Variants in PILRB observed in about 807,000 individuals in gnomAD.
PILRB encodes paired immunoglobulin-like type 2 receptor beta.
Under a neutral mutation model 20.5 loss-of-function variants are expected in PILRB, and 21 were observed. The observed-to-expected ratio is 1.02, with a 90% CI of 0.72 to 1.47. The LOEUF (loss-of-function observed/expected upper bound fraction) is 1.47, where lower values mean the gene tolerates loss of function less well. Among genes scored for constraint, PILRB ranks in the 40% most tolerant of loss-of-function variants. The probability of loss-of-function intolerance (pLI) is 0.00; values close to 1 mark genes in which losing one functional copy is unlikely to be tolerated. For synonymous variants in PILRB, 133 were observed against 115.1 expected (o/e 1.16, Z -0.99); for missense variants, 253 against 272.1 (o/e 0.93, Z 0.49).
At chr7:100,365,155 A>G (rs1323194905) in intron 3 of PILRB, among the ~76,000 whole-genome samples, 1 of 152,070 alleles carries the variant, frequency 6.6e-6, no homozygotes, top group Non-Finnish European at 1.5e-5. Flanking sequence ...GTGTGCCACC[A>G]CACCCAGCTA....
intron 1 of PILRB, 136 bp downstream of exon 1, chr7:100,358,502 G>A: frequency 7.9e-7 from 1 of 1,271,048 alleles, no homozygotes; most frequent in Non-Finnish European, 1.1e-6. Context: ...ATAGGGGTGG[G>A]TGCCGCCATC....
chr7:100,360,352 T>C (rs2130100931), intron 3 of PILRB, among the ~76,000 whole-genome samples: 1 of 150,762 alleles, frequency 6.6e-6, no homozygotes, highest in East Asian at 1.9e-4. Flanking sequence ...AACTATGGTA[T>C]TGCTAAACAA....
chr7:100,363,034 C>G (rs1790575321), intron 3 of PILRB, among the ~76,000 whole-genome samples: 1 of 151,678 alleles, frequency 6.6e-6, no homozygotes, highest in East Asian at 1.9e-4. Flanking sequence ...TGGCTCACAC[C>G]TGTAATCCCA....
chr7:100,358,193 C>A lies in PILRB; in HGVS notation c.-110C>A. On this transcript the variant is annotated 5_prime_UTR_variant, in exon 1 of 4. Coordinates refer to ENST00000609309, the MANE Select transcript of PILRB (RefSeq NM_178238.4). ...GCCCCCACAGCCCTCTGGGGAGCCT[C>A]ACCCTGGCTCTCCCCACTCACCTCA... The A allele has an allele frequency of 7.6e-7, 1 of 1,323,804 alleles. No homozygotes were observed. Among genetic ancestry groups the A allele is most frequent in the Non-Finnish European group, 1.1e-6 (1 of 931,016 alleles). 82.0% of individuals were successfully genotyped at this position (1,323,804 alleles called of 1,614,324 possible).
At chr7:100,365,616 C>T (rs547069083) in intron 3 of PILRB, among the ~76,000 whole-genome samples, 70 of 152,166 alleles carry the variant, frequency 4.6e-4, no homozygotes, top group Admixed American at 8.5e-4. Flanking sequence ...GCCTGGAGTT[C>T]GAGCCCAGCC....
Position 100,359,350 on chromosome 7 carries a change from C to T in PILRB, c.468C>T (p.Thr156=), listed in dbSNP as rs747960636. The T allele has an allele frequency of 5.6e-6, 9 of 1,614,150 alleles. No individual in the cohort carries two copies. The highest frequency in any genetic ancestry group is 7.6e-6 in the Non-Finnish European group (9 of 1,180,026). The change falls in exon 3 of 4, where the codon ACC becomes ACT. Residue 156 remains threonine (T), a synonymous_variant. Coordinates refer to ENST00000609309, the MANE Select transcript of PILRB (RefSeq NM_178238.4). ...CATCTCTTCCAGCTGTCACAACCAC[C>T]ACCACCTGGAGGCCCAGCAGCACAA... ...KLTITQAVTT[T]TTWRPSSTTT... is the part of the protein sequence containing the mutation.
intron 2 of PILRB, 27 bp from the exon 3 acceptor site, chr7:100,359,310 G>A: frequency 6.2e-7 from 1 of 1,611,766 alleles, no homozygotes; most frequent in South Asian, 1.1e-5. Context: ...CCCAGAAGAG[G>A]GTCTGCTCAT....
In PILRB at chr7:100,358,965, A is replaced by G; in HGVS notation, c.340A>G (p.Asn114Asp). 1 of 1,614,082 alleles carries G rather than the reference A, an allele frequency of 6.2e-7. No homozygotes were observed. Among genetic ancestry groups the G allele is most frequent in the Non-Finnish European group, 8.5e-7 (1 of 1,180,020 alleles). The change falls in exon 2 of 4, where the codon AAC becomes GAC. Residue 114 changes from asparagine (N) to aspartate (D), a missense_variant. Transcript: ENST00000609309. ...GGAGAGCGGCTTCCTCAGGATCTCA[A>G]ACCTGCGGAAGGAGGACCAGTCTGT... ...GQESGFLRIS[N>D]LRKEDQSVYF...
chr7:100,358,982 C>A lies in PILRB; in HGVS notation c.357C>A (p.Asp119Glu), dbSNP rs1415219620. ...GGATCTCAAACCTGCGGAAGGAGGACCAGTCTGTGTATTTCTGCCGAGTCG... is the reference window on the plus strand; with the variant it reads ...GGATCTCAAACCTGCGGAAGGAGGAACAGTCTGTGTATTTCTGCCGAGTCG... The part of the protein sequence containing the change: ...FLRISNLRKE[D>E]QSVYFCRVEL... The change falls in exon 2 of 4, where the codon GAC becomes GAA. Residue 119 changes from aspartate (D) to glutamate (E), a missense_variant. Transcript: ENST00000609309. The A allele has an allele frequency of 6.2e-7, 1 of 1,614,080 alleles. No homozygotes were observed. Among genetic ancestry groups the A allele is most frequent in the Admixed American group, 1.7e-5 (1 of 59,996 alleles).
Position 100,359,017 on chromosome 7 carries a change from C to T in PILRB, c.392C>T (p.Thr131Ile). ...TATTTCTGCCGAGTCGAGCTGGACACCCGGAGATCAGGGAGGCAGCAGTTG... is the reference window on the plus strand; with the variant it reads ...TATTTCTGCCGAGTCGAGCTGGACATCCGGAGATCAGGGAGGCAGCAGTTG... ...SVYFCRVELD[T>I]RRSGRQQLQS... Residue 131 changes from threonine (T) to isoleucine (I), a missense_variant, in exon 2 of 4, where the codon ACC (threonine) becomes ATC (isoleucine). Physicochemically the swap from Thr to Ile is moderately conservative, Grantham distance 89. Coordinates refer to ENST00000609309, the MANE Select transcript of PILRB (RefSeq NM_178238.4). 1 of 1,614,138 alleles carries T rather than the reference C, an allele frequency of 6.2e-7. No individual in the cohort carries two copies. The highest frequency in any genetic ancestry group is 1.1e-5 in the South Asian group (1 of 91,082).
rs59251177 is a variant in PILRB, at chr7:100,358,408, C to G, written c.64+42C>G. On this transcript the variant is annotated intron_variant, in intron 1 of 3. Coordinates refer to ENST00000609309, the MANE Select transcript of PILRB (RefSeq NM_178238.4). ...GCCCAGGTATGGTCTCTGCCCAAACCACAGGAGGGGCCAACCCAAGACAAA... is the reference window on the plus strand; with the variant it reads ...GCCCAGGTATGGTCTCTGCCCAAACGACAGGAGGGGCCAACCCAAGACAAA... 7.5e-3 allele frequency: 11,988 copies of G among 1,602,254 alleles called. 824 individuals are homozygous for G. The African/African-American group carries it at 0.14, about 19-fold the overall frequency.
chr7:100,359,209 A>C, intron 2 of PILRB, 128 bp from the exon 3 acceptor site: 1 of 1,496,058 alleles, frequency 6.7e-7, no homozygotes, highest in South Asian at 1.2e-5. Context: ...TACCCCTTCC[A>C]TGTCTGGGCT....
At chr7:100,365,775 G>A (rs1790664306) in intron 3 of PILRB, among the ~76,000 whole-genome samples, 2 of 152,036 alleles carry the variant, frequency 1.3e-5, no homozygotes, top group South Asian at 2.1e-4. Context: ...CTGAGATCAC[G>A]TCACTGTATA....
intron 3 of PILRB, among the ~76,000 whole-genome samples, chr7:100,366,244 G>A (rs529941787): frequency 1.4e-4 from 21 of 152,242 alleles, no homozygotes; most frequent in Non-Finnish European, 2.6e-4. Flanking sequence ...GTGAGCCACC[G>A]CACCCACCTT....
At chr7:100,362,097 A>G (rs568059457) in intron 3 of PILRB, among the ~76,000 whole-genome samples, 1 of 152,160 alleles carries the variant, frequency 6.6e-6, no homozygotes, top group South Asian at 2.1e-4. Flanking sequence ...GGAAGCTTGG[A>G]GAATCTGCAA....
chr7:100,362,670 G>A (rs772593321), intron 3 of PILRB, among the ~76,000 whole-genome samples: 25 of 152,050 alleles, frequency 1.6e-4, no homozygotes, highest in Admixed American at 5.9e-4. Flanking sequence ...CACTATGCCC[G>A]GCTAATTTTT....
At chr7:100,363,132 T>TAAAAAAAA (rs771904107) in intron 3 of PILRB, among the ~76,000 whole-genome samples, 1 of 85,058 alleles carries the variant, frequency 1.2e-5, no homozygotes. Flanking sequence ...CATCTCTACT[T>TAAAAAAAA]AAAAAAAAAA....
rs1486327360 is a variant in PILRB, at chr7:100,366,016, C to T, written c.656-1333C>T. On this transcript the variant is annotated intron_variant, in intron 3 of 3. Transcript: ENST00000609309. The stretch of plus-strand genomic sequence containing the variant: ...TCACCCAGGCTGGAGTGCAGTGGTG[C>T]GATCTTGGCTCACTACAACCTCCAC... Among the ~76,000 whole-genome samples the T allele has an allele frequency of 3.6e-5, 5 of 140,580 alleles. No homozygotes were observed. The East Asian group carries it at 6.6e-4, about 19-fold the overall frequency. 92.2% of individuals were successfully genotyped at this position (140,580 alleles called of 152,430 possible). A position where few individuals can be genotyped will look rare whatever the true frequency, so the allele number is the denominator to read the frequency against.
intron 3 of PILRB, among the ~76,000 whole-genome samples, chr7:100,365,771 TC>T (rs1274106122): frequency 6.6e-6 from 1 of 151,950 alleles, no homozygotes; most frequent in Non-Finnish European, 1.5e-5. Flanking sequence ...TGAGCTGAGA[TC>T]ACGTCACTGT....
Sources: allele counts gnomAD v4.1 joint callset (sites outside exome capture counted in the v4.1 genomes callset), GRCh38; gene constraint gnomAD v4.1.1; transcripts MANE v1.5; gene names NCBI Gene and HGNC (gene_info 2026-07-23, HGNC 2026-07-21).